The following CLSTN2 variants were observed in gnomAD, a reference collection of about 807,000 sequenced individuals.
CLSTN2 encodes the protein calsyntenin-2.
CLSTN2 carries 48 observed loss-of-function variants against 101.2 expected under a neutral mutation model. The ratio of observed to expected loss-of-function variants is 0.47; its 90% CI spans 0.38 to 0.60. CLSTN2 has a LOEUF of 0.60. CLSTN2 is among the 20% of genes least tolerant of loss of function. The pLI, the probability that CLSTN2 is intolerant of heterozygous loss-of-function variation, is 0.00. For missense variants in CLSTN2, 1,160 were observed against 1,238.2 expected, an observed-to-expected ratio of 0.94 and a Z score of 0.95; for synonymous variants, 481 against 463.6, an observed-to-expected ratio of 1.04 and a Z score of -0.48.
chr3:140,432,433 G>T (rs529603034), intron 5 of CLSTN2, among the ~76,000 whole-genome samples: 1 of 152,266 alleles, frequency 6.6e-6, no homozygotes, highest in East Asian at 1.9e-4. Flanking sequence ...CATTATTGAG[G>T]CCTGAATTCC....
chr3:140,360,283 T>C (rs1423738737), intron 2 of CLSTN2, among the ~76,000 whole-genome samples: 2 of 152,314 alleles, frequency 1.3e-5, no homozygotes, highest in East Asian at 3.9e-4. Context: ...TCTGTTTTCA[T>C]GGTGCTGACA....
chr3:140,409,641 C>T (rs753512299), intron 4 of CLSTN2, among the ~76,000 whole-genome samples: 1 of 152,050 alleles, frequency 6.6e-6, no homozygotes, highest in African/African-American at 2.4e-5. Flanking sequence ...ACAAGTATCA[C>T]GAAGGATCAG....
chr3:140,022,569 C>A (rs935783021), intron 1 of CLSTN2, among the ~76,000 whole-genome samples: 10 of 152,134 alleles, frequency 6.6e-5, no homozygotes, highest in Admixed American at 3.3e-4. Context: ...GACGGCTGCA[C>A]AATGAGCCAG....
intron 1 of CLSTN2, among the ~76,000 whole-genome samples, chr3:140,033,109 C>G (rs2007590037): frequency 6.6e-6 from 1 of 152,126 alleles, no homozygotes; most frequent in Non-Finnish European, 1.5e-5. Context: ...AGAGTTGTTG[C>G]AATATTTGAA....
chr3:140,007,070 G>T (rs2006973487), intron 1 of CLSTN2, among the ~76,000 whole-genome samples: 1 of 152,080 alleles, frequency 6.6e-6, no homozygotes, highest in Non-Finnish European at 1.5e-5. Context: ...GTCACTGAGG[G>T]TGATGAATAA....
intron 2 of CLSTN2, among the ~76,000 whole-genome samples, chr3:140,393,596 T>C (rs2107972170): frequency 6.6e-6 from 1 of 152,306 alleles, no homozygotes; most frequent in South Asian, 2.1e-4. Context: ...CCATTATATT[T>C]GTATGGGACT....
intron 1 of CLSTN2, among the ~76,000 whole-genome samples, chr3:140,131,835 A>G (rs2009527012): frequency 6.6e-6 from 1 of 152,136 alleles, no homozygotes; most frequent in Non-Finnish European, 1.5e-5. Flanking sequence ...GAAAAGATAC[A>G]GAGGGGAGAA....
chr3:140,434,447 C>A, intron 5 of CLSTN2, among the ~76,000 whole-genome samples: 1 of 152,122 alleles, frequency 6.6e-6, no homozygotes, highest in Non-Finnish European at 1.5e-5. Flanking sequence ...TGAGCTGGAG[C>A]GGTGGTGAGG....
chr3:140,170,761 T>A lies in CLSTN2; in HGVS notation c.110-5190T>A, dbSNP rs117457544. ...CAAGCAGGGTGGTAAGTCTGAGTAATGAAAAAGCAGCAGCTGTGTGTCTAG... is the reference window on the plus strand; with the variant it reads ...CAAGCAGGGTGGTAAGTCTGAGTAAAGAAAAAGCAGCAGCTGTGTGTCTAG... On this transcript the variant is annotated intron_variant, in intron 1 of 16. Transcript: ENST00000458420. Among the ~76,000 whole-genome samples, 104 of 152,248 alleles carry A rather than the reference T, an allele frequency of 6.8e-4. No individual in the cohort carries two copies. The East Asian group carries it at 0.017, about 25-fold the overall frequency.
intron 2 of CLSTN2, among the ~76,000 whole-genome samples, chr3:140,311,822 G>T (rs1206474573): frequency 6.6e-6 from 1 of 152,148 alleles, no homozygotes; most frequent in Non-Finnish European, 1.5e-5. Context: ...CTCAACCCCA[G>T]ATCCTGGGCT....
At chr3:140,288,133 G>C (rs909284744) in intron 2 of CLSTN2, among the ~76,000 whole-genome samples, 5 of 150,966 alleles carry the variant, frequency 3.3e-5, no homozygotes, top group Admixed American at 1.3e-4. Flanking sequence ...AAACCGGCGG[G>C]GGGGGTCAGA....
intron 2 of CLSTN2, among the ~76,000 whole-genome samples, chr3:140,229,222 A>G (rs1013874636): frequency 5.9e-5 from 9 of 152,202 alleles, no homozygotes; most frequent in African/African-American, 9.7e-5. Context: ...CTGGAGCAAA[A>G]GCTAAAAAGA....
chr3:140,329,632 A>G (rs773729486), intron 2 of CLSTN2, among the ~76,000 whole-genome samples: 21 of 152,138 alleles, frequency 1.4e-4, no homozygotes, highest in African/African-American at 4.8e-4. Flanking sequence ...TAAAAAATCA[A>G]ACTCTTTTCT....
intron 2 of CLSTN2, among the ~76,000 whole-genome samples, chr3:140,258,673 T>C (rs1415522773): frequency 1.3e-5 from 2 of 152,222 alleles, no homozygotes; most frequent in Admixed American, 1.3e-4. Flanking sequence ...CCCCCTCTTT[T>C]AATGTCTTTT....
At chr3:140,304,713 G>A (rs1005530913) in intron 2 of CLSTN2, among the ~76,000 whole-genome samples, 1 of 152,088 alleles carries the variant, frequency 6.6e-6, no homozygotes, top group African/African-American at 2.4e-5. Context: ...ACAGAGACAG[G>A]GAGGAAGCGT....
intron 1 of CLSTN2, among the ~76,000 whole-genome samples, chr3:140,116,078 A>G (rs56076790): frequency 0.2 from 29,671 of 152,104 alleles, 3,065 homozygotes; most frequent in South Asian, 0.24. Context: ...CCCCTCCCAG[A>G]CTAACCTCTT....
Position 140,419,833 on chromosome 3 carries a change from GTATA to G in CLSTN2, c.638-1286_638-1283del, listed in dbSNP as rs1275365338. On this transcript the variant is annotated intron_variant, in intron 4 of 16. Coordinates refer to ENST00000458420, the MANE Select transcript of CLSTN2 (RefSeq NM_022131.3). ...TATATACGTATATATACGTATATGT[GTATA>G]TATATGTGTATATATATATGTATAT... 1.9e-4 allele frequency among the ~76,000 whole-genome samples: 6 copies of G among 32,092 alleles called. 3 individuals carry two copies. The African/African-American group carries it at 2.2e-3, about 12-fold the overall frequency. 21.1% of individuals were successfully genotyped at this position (32,092 alleles called of 152,430 possible). A position where few individuals can be genotyped will look rare whatever the true frequency, so the allele number is the denominator to read the frequency against.
intron 1 of CLSTN2, among the ~76,000 whole-genome samples, chr3:140,125,874 G>T (rs528133462): frequency 6.6e-6 from 1 of 152,258 alleles, no homozygotes; most frequent in East Asian, 1.9e-4. Flanking sequence ...ACTACATGCT[G>T]GACTAAGCTG....
chr3:140,033,812 A>G (rs952105574), intron 1 of CLSTN2, among the ~76,000 whole-genome samples: 1 of 152,228 alleles, frequency 6.6e-6, no homozygotes, highest in African/African-American at 2.4e-5. Context: ...GAGGGTCTAT[A>G]TCACCTTTCA....
Sources: allele counts gnomAD v4.1 joint callset (sites outside exome capture counted in the v4.1 genomes callset), GRCh38; gene constraint gnomAD v4.1.1; transcripts MANE v1.5; gene names NCBI Gene and HGNC (gene_info 2026-07-23, HGNC 2026-07-21).